SLC41A2: variants seen among roughly 807,000 people sequenced by gnomAD.
The protein encoded by SLC41A2 is solute carrier family 41 member 2.
A neutral mutation model predicts 58.3 loss-of-function variants in SLC41A2; 32 were observed. The ratio of observed to expected loss-of-function variants is 0.55; its 90% CI spans 0.41 to 0.74. SLC41A2 has a LOEUF of 0.74. Among genes scored for constraint, SLC41A2 ranks in the 30% least tolerant of loss-of-function variants. The pLI, the probability that SLC41A2 is intolerant of heterozygous loss-of-function variation, is 0.00. For missense variants in SLC41A2, 514 were observed against 680.6 expected (o/e 0.76, Z 2.72); for synonymous variants, 190 against 235.0 (o/e 0.81, Z 1.75).
intron 2 of SLC41A2, 113 bp downstream of exon 2, chr12:104,927,860 G>A: frequency 2.1e-6 from 2 of 971,384 alleles, no homozygotes; most frequent in Non-Finnish European, 1.4e-6. Context: ...TTTTACCAAG[G>A]GATAAATTAA....
intron 6 of SLC41A2, among the ~76,000 whole-genome samples, chr12:104,882,814 A>G (rs1022117065): frequency 1.3e-5 from 2 of 152,138 alleles, no homozygotes; most frequent in East Asian, 1.9e-4. Flanking sequence ...TGCTCTTCTC[A>G]AGGAGTATCT....
chr12:104,854,542 G>C (rs1244520604), intron 8 of SLC41A2, among the ~76,000 whole-genome samples: 1 of 144,664 alleles, frequency 6.9e-6, no homozygotes, highest in Non-Finnish European at 1.5e-5. Flanking sequence ...CAGCCTGGGC[G>C]AAAGAGCCAG....
At chr12:104,828,427 C>T (rs980902188) in intron 10 of SLC41A2, among the ~76,000 whole-genome samples, 1 of 152,208 alleles carries the variant, frequency 6.6e-6, no homozygotes, top group Non-Finnish European at 1.5e-5. Context: ...AGCCGTCTGT[C>T]CTTGCAATAA....
intron 10 of SLC41A2, among the ~76,000 whole-genome samples, chr12:104,818,416 C>T (rs2136229705): frequency 6.6e-6 from 1 of 152,116 alleles, no homozygotes. Context: ...ATTAGACACA[C>T]TTGAATATAT....
At chr12:104,906,267 A>G (rs1283198196) in intron 3 of SLC41A2, among the ~76,000 whole-genome samples, 1 of 152,200 alleles carries the variant, frequency 6.6e-6, no homozygotes, top group Non-Finnish European at 1.5e-5. Context: ...TATATGCTCC[A>G]GATACCTGAG....
In SLC41A2 at chr12:104,889,176, AC is replaced by A; in HGVS notation, c.736del (p.Val246PhefsTer5). ...TAGAAAACCCACTACTGTTGCCTGA[AC>A]CTAAAATTTTTTTCATAAATCCAAC... ...LIIGNLALKQVQATVVGFLAA... is the reference protein window; with the variant it reads ...LIIGNLALKQXQATVVGFLAA... On this transcript the variant is annotated frameshift_variant and splice_region_variant, in exon 5 of 11. Transcript: ENST00000258538. LOFTEE classifies it high-confidence loss of function. The A allele has an allele frequency of 6.2e-7, 1 of 1,600,036 alleles. No individual in the cohort carries two copies. The highest frequency in any genetic ancestry group is 8.5e-7 in the Non-Finnish European group (1 of 1,176,548).
Position 104,889,101 on chromosome 12 carries a change from T to C in SLC41A2, c.812A>G (p.Tyr271Cys). Residue 271 changes from tyrosine to cysteine, a missense_variant, in exon 5 of 11, where the codon TAC becomes TGC. By Grantham distance (194) the Tyr-to-Cys change is radical. Transcript: ENST00000258538. ...ILGWIPEGKY[Y>C]LDHSILLCSS... is the part of the protein sequence containing the mutation. ...GCACAGAAGTATGGAATGATCAAGG[T>C]AATATTTTCCTTCTGGAATCCAGCC... 6.2e-7 allele frequency: 1 copy of C among 1,611,654 alleles called. No homozygotes were observed. The highest frequency in any genetic ancestry group is 1.1e-5 in the South Asian group (1 of 90,304).
chr12:104,871,644 C>G (rs534748434), intron 6 of SLC41A2, among the ~76,000 whole-genome samples: 1 of 152,304 alleles, frequency 6.6e-6, no homozygotes, highest in East Asian at 1.9e-4. Context: ...ATATCCTCAT[C>G]AAAATGATTT....
At chr12:104,852,286 T>G (rs1241235502) in intron 8 of SLC41A2, among the ~76,000 whole-genome samples, 1 of 152,210 alleles carries the variant, frequency 6.6e-6, no homozygotes, top group Non-Finnish European at 1.5e-5. Context: ...TGCATTCCTC[T>G]TCAGTTACTC....
At chr12:104,876,364 C>G (rs1233808967) in intron 6 of SLC41A2, among the ~76,000 whole-genome samples, 2 of 151,960 alleles carry the variant, frequency 1.3e-5, no homozygotes, top group East Asian at 1.9e-4. Flanking sequence ...TATTGGAGAT[C>G]TTTCTTCTTT....
At chr12:104,933,700 C>G (rs1392387809) in intron 1 of SLC41A2, among the ~76,000 whole-genome samples, 4 of 151,994 alleles carry the variant, frequency 2.6e-5, no homozygotes, top group Non-Finnish European at 5.9e-5. Context: ...TACACACACA[C>G]ACACCCATAT....
chr12:104,894,313 A>G (rs1011813389), intron 4 of SLC41A2, among the ~76,000 whole-genome samples: 2 of 151,776 alleles, frequency 1.3e-5, no homozygotes, highest in African/African-American at 4.8e-5. Context: ...TGACTGCACT[A>G]CTGCACTCCA....
rs2136177122 is a variant in SLC41A2, at chr12:104,805,032, G to A, written c.*120C>T. 9.7e-6 allele frequency: 8 copies of A among 825,770 alleles called. No homozygotes were observed. The highest frequency in any genetic ancestry group is 1.1e-5 in the Non-Finnish European group (6 of 549,142). The allele number at this position is 825,770 out of a possible 1,614,324, so 51.2% of individuals were successfully genotyped here. A position where few individuals can be genotyped will look rare whatever the true frequency, so the allele number is the denominator to read the frequency against. On this transcript the variant is annotated 3_prime_UTR_variant, in exon 11 of 11. Transcript: ENST00000258538. ...ATTAAGGCCATTTAATTGAATCAGG[G>A]CCAACTGAAGATTACCCTGGCAAAA...
At chr12:104,954,004 G>A (rs1221989468) in intron 1 of SLC41A2, among the ~76,000 whole-genome samples, 1 of 152,100 alleles carries the variant, frequency 6.6e-6, no homozygotes, top group Non-Finnish European at 1.5e-5. Flanking sequence ...AGTCGAATCT[G>A]TCTTTATATC....
intron 10 of SLC41A2, among the ~76,000 whole-genome samples, chr12:104,839,482 T>G (rs914684519): frequency 1.3e-5 from 2 of 151,708 alleles, no homozygotes; most frequent in African/African-American, 4.8e-5. Context: ...AGTCTTTTTT[T>G]CTCCTCTTTC....
At chr12:104,940,305 C>T (rs1013796016) in intron 1 of SLC41A2, among the ~76,000 whole-genome samples, 2 of 150,284 alleles carry the variant, frequency 1.3e-5, no homozygotes, top group Middle Eastern at 3.2e-3. Flanking sequence ...AGCCACCGAG[C>T]CCAGCCTTAT....
chr12:104,849,095 A>G (rs573114120), intron 8 of SLC41A2, among the ~76,000 whole-genome samples: 2 of 152,342 alleles, frequency 1.3e-5, no homozygotes, highest in African/African-American at 4.8e-5. Context: ...GTGCAAAAGA[A>G]AAACATATTA....
At chr12:104,869,478 GT>G (rs915160725) in intron 6 of SLC41A2, among the ~76,000 whole-genome samples, 2 of 151,888 alleles carry the variant, frequency 1.3e-5, no homozygotes, top group South Asian at 2.1e-4. Flanking sequence ...GTATGCAGGG[GT>G]TTTTTTTGTA....
At chr12:104,844,695 T>A (rs2042539686) in intron 9 of SLC41A2, 75 bp from the exon 10 acceptor site, 1 of 743,326 alleles carries the variant, frequency 1.3e-6, no homozygotes, top group Non-Finnish European at 1.9e-6. Context: ...TATTAAAATT[T>A]GAGGATTACT....
Sources: gnomAD v4.1 joint callset for allele counts (sites outside exome capture counted in the v4.1 genomes callset) on GRCh38, gnomAD v4.1.1 for gene constraint, MANE v1.5 for transcripts, NCBI Gene and HGNC (gene_info 2026-07-23, HGNC 2026-07-21) for gene names.